TNFAIP8: variants seen among roughly 807,000 people sequenced by gnomAD.
The protein encoded by TNFAIP8 is tumor necrosis factor alpha-induced protein 8.
Under a neutral mutation model 13.3 loss-of-function variants are expected in TNFAIP8, and 7 were observed. The observed-to-expected ratio is 0.52, with a 90% CI of 0.30 to 0.99. The LOEUF (loss-of-function observed/expected upper bound fraction) is 0.99. TNFAIP8 is among the 50% of genes least tolerant of loss of function. The pLI is 0.07. For missense variants in TNFAIP8, 258 were observed against 236.9 expected (o/e 1.09, Z -0.58); for synonymous variants, 94 against 87.6 (o/e 1.07, Z -0.41).
At chr5:119,295,609 G>A (rs1051264206) in intron 1 of TNFAIP8, among the ~76,000 whole-genome samples, 2 of 152,036 alleles carry the variant, frequency 1.3e-5, no homozygotes, top group Non-Finnish European at 2.9e-5. Flanking sequence ...ACTTGGCTAT[G>A]CGGGCTCTTT....
chr5:119,319,400 C>A (rs1200845694), intron 1 of TNFAIP8, among the ~76,000 whole-genome samples: 1 of 152,192 alleles, frequency 6.6e-6, no homozygotes, highest in Non-Finnish European at 1.5e-5. Flanking sequence ...ACTGTAGAGA[C>A]CCTTTCCTAA....
chr5:119,399,514 A>G lies in TNFAIP8; in HGVS notation c.*6133A>G, dbSNP rs1053703121. 19 of 152,208 alleles carry G rather than the reference A, an allele frequency of 1.2e-4. No homozygotes were observed. The highest frequency in any genetic ancestry group is 4.6e-4 in the African/African-American group (19 of 41,452). The allele number at this position is 152,208 out of a possible 1,614,324, so 9.4% of individuals were successfully genotyped here. ...AGACTGAGTCTAAAATAAATGAAGCAACAGACTTCAGCAGCCTGAGAGAAT... is the reference window on the plus strand; with the variant it reads ...AGACTGAGTCTAAAATAAATGAAGCGACAGACTTCAGCAGCCTGAGAGAAT... On this transcript the variant is annotated 3_prime_UTR_variant, in exon 2 of 2. Coordinates refer to ENST00000504771, the MANE Select transcript of TNFAIP8 (RefSeq NM_014350.4).
intron 1 of TNFAIP8, among the ~76,000 whole-genome samples, chr5:119,314,228 T>C (rs2112676740): frequency 6.6e-6 from 1 of 152,326 alleles, no homozygotes; most frequent in South Asian, 2.1e-4. Flanking sequence ...GTCGTCTGTT[T>C]TGTTCATTTG....
chr5:119,287,954 C>T (rs1055462035), intron 1 of TNFAIP8, among the ~76,000 whole-genome samples: 1 of 152,190 alleles, frequency 6.6e-6, no homozygotes, highest in Non-Finnish European at 1.5e-5. Flanking sequence ...TCTAGACAGT[C>T]ACCACCTTGT....
intron 1 of TNFAIP8, among the ~76,000 whole-genome samples, chr5:119,308,418 C>G (rs1030912681): frequency 4.8e-5 from 7 of 145,732 alleles, no homozygotes; most frequent in African/African-American, 1.5e-4. Flanking sequence ...TTTTGGTTTC[C>G]CAGCTGTGTG....
chr5:119,372,322 C>A (rs1448910648), intron 1 of TNFAIP8, among the ~76,000 whole-genome samples: 1,046 of 111,526 alleles, frequency 9.4e-3, no homozygotes, highest in Admixed American at 0.011. Flanking sequence ...GACCCTGTCT[C>A]AAAAAAAAAA....
At chr5:119,382,560 GATAATA>G (rs1246988100) in intron 1 of TNFAIP8, among the ~76,000 whole-genome samples, 1 of 151,892 alleles carries the variant, frequency 6.6e-6, no homozygotes, top group Non-Finnish European at 1.5e-5. Context: ...CCATAATAAT[GATAATA>G]ATAATAATAA....
At chr5:119,281,002 C>T (rs1190540222) in intron 1 of TNFAIP8, among the ~76,000 whole-genome samples, 1 of 151,894 alleles carries the variant, frequency 6.6e-6, no homozygotes. Flanking sequence ...CAAATTGTCC[C>T]ATCTTTGACC....
rs1331210730 is a variant in TNFAIP8, at chr5:119,394,235, ACAAT to A, written c.*856_*859del. 6.7e-6 allele frequency: 1 copy of A among 149,194 alleles called. No homozygotes were observed. Among genetic ancestry groups the A allele is most frequent in the Non-Finnish European group, 1.5e-5 (1 of 68,016 alleles). The allele number at this position is 149,194 out of a possible 1,614,324, so 9.2% of individuals were successfully genotyped here. A position where few individuals can be genotyped will look rare whatever the true frequency, so the allele number is the denominator to read the frequency against. On this transcript the variant is annotated 3_prime_UTR_variant, in exon 2 of 2. Transcript: ENST00000504771. The stretch of plus-strand genomic sequence containing the variant: ...AAAGTAAGTAGCATTAAGAAAGGTA[ACAAT>A]CTTCATTCTACAGATGAACTCATTG...
intron 1 of TNFAIP8, among the ~76,000 whole-genome samples, chr5:119,349,258 A>C (rs1313884678): frequency 6.6e-6 from 1 of 152,202 alleles, no homozygotes; most frequent in Non-Finnish European, 1.5e-5. Flanking sequence ...CTCTTAAACA[A>C]TCTGGGACAA....
At chr5:119,330,331 TAAAC>T (rs1176649004) in intron 1 of TNFAIP8, among the ~76,000 whole-genome samples, 1 of 152,184 alleles carries the variant, frequency 6.6e-6, no homozygotes, top group African/African-American at 2.4e-5. Context: ...TTAGATGAAA[TAAAC>T]AAATGAAAGT....
Position 119,398,073 on chromosome 5 carries a change from C to T in TNFAIP8, c.*4692C>T, listed in dbSNP as rs1211578671. The T allele has an allele frequency of 6.6e-6, 1 of 152,168 alleles. No individual in the cohort carries two copies. Among genetic ancestry groups the T allele is most frequent in the Non-Finnish European group, 1.5e-5 (1 of 68,038 alleles). 9.4% of individuals were successfully genotyped at this position (152,168 alleles called of 1,614,324 possible). A position where few individuals can be genotyped will look rare whatever the true frequency, so the allele number is the denominator to read the frequency against. The stretch of plus-strand genomic sequence containing the variant: ...CATCTGTGCTTTGGAAAATGTTCTT[C>T]AAGGATAGAGAATTGTGCCCTATGT... On this transcript the variant is annotated 3_prime_UTR_variant, in exon 2 of 2. Coordinates refer to ENST00000504771, the MANE Select transcript of TNFAIP8 (RefSeq NM_014350.4).
At chr5:119,293,774 A>G (rs1749070320) in intron 1 of TNFAIP8, among the ~76,000 whole-genome samples, 1 of 152,218 alleles carries the variant, frequency 6.6e-6, no homozygotes, top group Admixed American at 6.5e-5. Context: ...TTGGCAAAAT[A>G]CTGGTTATTG....
At chr5:119,347,094 C>T (rs6878879) in intron 1 of TNFAIP8, among the ~76,000 whole-genome samples, 30,647 of 152,068 alleles carry the variant, frequency 0.2, 3,252 homozygotes, top group Non-Finnish European at 0.22. Context: ...TCTTTAAGAC[C>T]AGATACTAGA....
At chr5:119,278,376 A>AGAGTGTGTGT (rs760411484) in intron 1 of TNFAIP8, among the ~76,000 whole-genome samples, 4 of 108,238 alleles carry the variant, frequency 3.7e-5, no homozygotes, top group African/African-American at 1.5e-4. Flanking sequence ...AGAGAGAGAG[A>AGAGTGTGTGT]GTGTGTGTGT....
chr5:119,272,899 T>C (rs1748331891), intron 1 of TNFAIP8, among the ~76,000 whole-genome samples: 1 of 152,178 alleles, frequency 6.6e-6, no homozygotes, highest in Admixed American at 6.5e-5. Flanking sequence ...GTACAGATCT[T>C]TTCCACTAAA....
upstream of TNFAIP8, chr5:119,355,469 T>A: frequency 3.0e-6 from 2 of 662,036 alleles, no homozygotes; most frequent in South Asian, 3.2e-5. Context: ...CTTAAGCTGG[T>A]CCTTGCAACC....
rs1056739292 is a variant in TNFAIP8 at position 119,268,790 on chromosome 5, C to G, written c.-117C>G. Reference sequence around the variant, plus strand: ...CTCCTTTTCTCCCGCCGGCTCTAACCCGCGCTTGGCTAAGGTCCGCGGGAA... The same window carrying G: ...CTCCTTTTCTCCCGCCGGCTCTAACGCGCGCTTGGCTAAGGTCCGCGGGAA... On this transcript the variant is annotated 5_prime_UTR_variant, in exon 1 of 2. Transcript: ENST00000274456. 4.9e-5 allele frequency: 34 copies of G among 689,726 alleles called. 1 individual carries two copies. In the South Asian group the frequency reaches 5.0e-4, roughly 10 times the overall value. The allele number at this position is 689,726 out of a possible 1,614,324, so 42.7% of individuals were successfully genotyped here.
chr5:119,314,424 T>G (rs140426806), intron 1 of TNFAIP8, among the ~76,000 whole-genome samples: 2 of 152,214 alleles, frequency 1.3e-5, no homozygotes, highest in Non-Finnish European at 2.9e-5. Flanking sequence ...CATATACACA[T>G]GCACACACAC....
Sources: allele counts gnomAD v4.1 joint callset (sites outside exome capture counted in the v4.1 genomes callset), GRCh38; gene constraint gnomAD v4.1.1; transcripts MANE v1.5; gene names NCBI Gene and HGNC (gene_info 2026-07-23, HGNC 2026-07-21).